The following POT1 variants were observed in gnomAD, a reference collection of about 807,000 sequenced individuals.
The protein encoded by POT1 is protection of telomeres 1, also known as protection of telomeres protein 1.
A neutral mutation model predicts 78.5 loss-of-function variants in POT1; 47 were observed. That is an observed-to-expected ratio of 0.60 (90% CI 0.47 to 0.76). The LOEUF is 0.76. Among genes scored for constraint, POT1 ranks in the 30% least tolerant of loss-of-function variants. POT1 has a pLI of 0.00. For missense variants in POT1, 646 were observed against 749.9 expected, an observed-to-expected ratio of 0.86 and a Z score of 1.62; for synonymous variants, 259 against 260.7, an observed-to-expected ratio of 0.99 and a Z score of 0.06.
In POT1 at chr7:124,901,561, A is replaced by G. The variant is rs533836678; in HGVS notation, c.-153-3187T>C. On this transcript the variant is annotated intron_variant, in intron 3 of 18. Coordinates refer to ENST00000357628, the MANE Select transcript of POT1 (RefSeq NM_015450.3). ...AAAGACCAAAGGTAGATAAAACCAC[A>G]AAGGTCAGGAGAAACCAGAGCAGAA... Among the ~76,000 whole-genome samples, 17 of 152,352 alleles carry G rather than the reference A, an allele frequency of 1.1e-4. 1 individual carries two copies. In the South Asian group the frequency reaches 3.1e-3, roughly 28 times the overall value.
intron 5 of POT1, among the ~76,000 whole-genome samples, chr7:124,896,808 G>A (rs1014854434): frequency 6.6e-6 from 1 of 151,472 alleles, no homozygotes; most frequent in Non-Finnish European, 1.5e-5. Context: ...ATAATTGTCT[G>A]GTTAAATACA....
At chr7:124,919,413 T>C (rs769381491) in intron 2 of POT1, among the ~76,000 whole-genome samples, 1 of 152,180 alleles carries the variant, frequency 6.6e-6, no homozygotes, top group East Asian at 1.9e-4. Flanking sequence ...CATCCTGTTA[T>C]GGACTTAATT....
chr7:124,858,296 T>G (rs543824534), intron 9 of POT1, among the ~76,000 whole-genome samples: 1 of 152,338 alleles, frequency 6.6e-6, no homozygotes, highest in Admixed American at 6.5e-5. Flanking sequence ...CTCTTATTAT[T>G]TACTGCATTA....
chr7:124,866,698 T>C (rs1332609545), intron 7 of POT1, among the ~76,000 whole-genome samples: 5 of 152,188 alleles, frequency 3.3e-5, no homozygotes, highest in Non-Finnish European at 7.3e-5. Flanking sequence ...AAAATGTCTA[T>C]AGGCAGGGAT....
chr7:124,877,413 G>C (rs1364136343), intron 6 of POT1, among the ~76,000 whole-genome samples: 1 of 151,918 alleles, frequency 6.6e-6, no homozygotes, highest in East Asian at 1.9e-4. Context: ...CCATAAAACA[G>C]AAAAAAGCAG....
At chr7:124,869,701 G>C (rs1227323810) in intron 7 of POT1, among the ~76,000 whole-genome samples, 1 of 152,090 alleles carries the variant, frequency 6.6e-6, no homozygotes, top group Non-Finnish European at 1.5e-5. Context: ...TCCTGCCTCA[G>C]CCTCCTGAAT....
At chr7:124,828,145 T>C (rs758531194) in intron 16 of POT1, among the ~76,000 whole-genome samples, 29 of 152,130 alleles carry the variant, frequency 1.9e-4, no homozygotes, top group Non-Finnish European at 3.5e-4. Flanking sequence ...AAAGATAAAA[T>C]TAAAATACAG....
At chr7:124,906,409 T>C (rs1223348910) in intron 3 of POT1, among the ~76,000 whole-genome samples, 1 of 146,820 alleles carries the variant, frequency 6.8e-6, no homozygotes, top group Non-Finnish European at 1.5e-5. Flanking sequence ...AATCACCACA[T>C]GTTCTCACCC....
intron 6 of POT1, among the ~76,000 whole-genome samples, chr7:124,882,508 GAA>G (rs1231885940): frequency 6.6e-6 from 1 of 151,906 alleles, no homozygotes; most frequent in East Asian, 1.9e-4. Flanking sequence ...AAAGAAGAAA[GAA>G]TATATGTTAT....
chr7:124,827,499 T>C lies in POT1; in HGVS notation c.1595-194A>G, dbSNP rs146346859. Among the ~76,000 whole-genome samples, 37 of 152,340 alleles carry C rather than the reference T, an allele frequency of 2.4e-4. No homozygotes were observed. In the Middle Eastern group the frequency reaches 0.014, roughly 56 times the overall value. On this transcript the variant is annotated intron_variant, in intron 16 of 18. Coordinates refer to ENST00000357628, the MANE Select transcript of POT1 (RefSeq NM_015450.3). ...AACTGGAGGACACCCAGCTGGCGTC[T>C]GCTGAGGGATTGCCTGCTTGGTGTG...
chr7:124,829,344 T>G lies in POT1; in HGVS notation c.1506-2A>C. On this transcript the variant is annotated splice_acceptor_variant, in intron 15 of 18. Coordinates refer to ENST00000357628, the MANE Select transcript of POT1 (RefSeq NM_015450.3). LOFTEE classifies it high-confidence loss of function. ...CTCAAACTAGAACACTGTTTACATC[T>G]GAAATTTATAAAAGAAAGAACCATA... 6.6e-7 allele frequency: 1 copy of G among 1,522,786 alleles called. No individual in the cohort carries two copies. Among genetic ancestry groups the G allele is most frequent in the Non-Finnish European group, 9.0e-7 (1 of 1,110,784 alleles). 94.3% of individuals were successfully genotyped at this position (1,522,786 alleles called of 1,614,324 possible).
chr7:124,826,230 C>T (rs961570291), intron 17 of POT1, among the ~76,000 whole-genome samples: 3 of 152,180 alleles, frequency 2.0e-5, no homozygotes, highest in Non-Finnish European at 4.4e-5. Context: ...TATACTGCTA[C>T]ACACTGTTGC....
chr7:124,830,424 T>C (rs1794731981), intron 15 of POT1, among the ~76,000 whole-genome samples: 1 of 152,162 alleles, frequency 6.6e-6, no homozygotes, highest in Non-Finnish European at 1.5e-5. Context: ...CATTACATCT[T>C]ATACCCTTCT....
intron 2 of POT1, among the ~76,000 whole-genome samples, chr7:124,928,455 G>A (rs1263139118): frequency 2.0e-5 from 3 of 152,144 alleles, no homozygotes; most frequent in African/African-American, 7.2e-5. Context: ...TTCGTGATCT[G>A]TCAGAACCAA....
chr7:124,882,137 T>C (rs1047170122), intron 6 of POT1, among the ~76,000 whole-genome samples: 1 of 152,010 alleles, frequency 6.6e-6, no homozygotes, highest in African/African-American at 2.4e-5. Context: ...GTAGTTCATC[T>C]TAGCAAGGTT....
At chr7:124,910,134 GT>G (rs959883274) in intron 3 of POT1, among the ~76,000 whole-genome samples, 9 of 151,844 alleles carry the variant, frequency 5.9e-5, no homozygotes, top group Non-Finnish European at 1.0e-4. Flanking sequence ...GCATAGCAGT[GT>G]TTTTTACCTG....
intron 14 of POT1, chr7:124,837,268 T>G (rs1448727809): frequency 5.3e-6 from 1 of 188,950 alleles, no homozygotes; most frequent in African/African-American, 2.4e-5. Context: ...GCCTGACACA[T>G]AGTCTATTCA....
At chr7:124,886,654 T>C (rs563044917) in intron 6 of POT1, among the ~76,000 whole-genome samples, 1 of 152,246 alleles carries the variant, frequency 6.6e-6, no homozygotes, top group East Asian at 1.9e-4. Context: ...TAATAAAAGA[T>C]GGCTCATTAC....
chr7:124,887,960 C>T (rs564568834), intron 6 of POT1, among the ~76,000 whole-genome samples: 1 of 152,150 alleles, frequency 6.6e-6, no homozygotes, highest in South Asian at 2.1e-4. Context: ...ATAGGTTATA[C>T]ATTTTTACTT....
Sources: allele counts gnomAD v4.1 joint callset (sites outside exome capture counted in the v4.1 genomes callset), GRCh38; gene constraint gnomAD v4.1.1; transcripts MANE v1.5; gene names NCBI Gene and HGNC (gene_info 2026-07-23, HGNC 2026-07-21).